Variants in COBLL1 observed in about 807,000 individuals in gnomAD.
COBLL1 encodes cordon-bleu protein-like 1.
Under a neutral mutation model 94.8 loss-of-function variants are expected in COBLL1, and 50 were observed. That is an observed-to-expected ratio of 0.53 (90% CI 0.42 to 0.67). The LOEUF (loss-of-function observed/expected upper bound fraction) is 0.67, where lower values mean the gene tolerates loss of function less well. Among genes scored for constraint, COBLL1 ranks in the 30% least tolerant of loss-of-function variants. The probability of loss-of-function intolerance (pLI) is 0.00; values close to 1 mark genes in which losing one functional copy is unlikely to be tolerated. For synonymous variants in COBLL1, 448 were observed against 473.8 expected (o/e 0.95, Z 0.71); for missense variants, 1,362 against 1,348.7 (o/e 1.01, Z -0.15).
rs1683010558 is a variant in COBLL1, at chr2:164,680,922, C to G, written c.*5024G>C. The G allele has an allele frequency of 1.3e-5, 2 of 151,806 alleles. No homozygotes were observed. The highest frequency in any genetic ancestry group is 4.8e-5 in the African/African-American group (2 of 41,292). The allele number at this position is 151,806 out of a possible 1,614,324, so 9.4% of individuals were successfully genotyped here. ...GGTCTGAAGACAAAATGAGAGAAAA[C>G]TATAGAGAAAGGGAGAGAATATACT... On this transcript the variant is annotated 3_prime_UTR_variant, in exon 14 of 14. Transcript: ENST00000652658.
At chr2:164,779,656 T>TTACG (rs138795196) in intron 2 of COBLL1, 1 of 470,936 alleles carries the variant, frequency 2.1e-6, no homozygotes, top group Non-Finnish European at 4.4e-6. Context: ...GACGGTCACC[T>TTACG]TACGGCAGGG....
intron 2 of COBLL1, among the ~76,000 whole-genome samples, chr2:164,770,338 A>C (rs1462379224): frequency 2.0e-5 from 3 of 152,118 alleles, no homozygotes; most frequent in Non-Finnish European, 4.4e-5. Flanking sequence ...ACATTATGTG[A>C]ACCTATCTAA....
chr2:164,739,683 C>A (rs576701127), intron 3 of COBLL1, among the ~76,000 whole-genome samples: 1 of 152,326 alleles, frequency 6.6e-6, no homozygotes, highest in Non-Finnish European at 1.5e-5. Flanking sequence ...CTCTCACACA[C>A]TTAAAATTAC....
intron 2 of COBLL1, among the ~76,000 whole-genome samples, chr2:164,792,744 T>C (rs1249373737): frequency 6.6e-6 from 1 of 152,210 alleles, no homozygotes; most frequent in African/African-American, 2.4e-5. Context: ...CAATTTTGTA[T>C]GTATGCTTTA....
At position 164,694,907 on chromosome 2, in the gene COBLL1, T is replaced by C; in HGVS notation, c.2485A>G (p.Met829Val). The change falls in exon 12 of 14, where the codon ATG becomes GTG. Residue 829 changes from methionine to valine, a missense_variant. Transcript: ENST00000652658. ...GGAGCTGTGCCAGTGTCTCTTGTCA[T>C]TTTGGGAGCAGGTTTCAGAGGACTA... ...MVSPLKPAPK[M>V]TRDTGTAPFA... The C allele has an allele frequency of 6.2e-7, 1 of 1,613,924 alleles. No individual in the cohort carries two copies. Among genetic ancestry groups the C allele is most frequent in the East Asian group, 2.2e-5 (1 of 44,862 alleles).
chr2:164,724,663 G>A (rs945016720), intron 5 of COBLL1: 2 of 152,088 alleles, frequency 1.3e-5, no homozygotes, highest in African/African-American at 4.8e-5. Context: ...AAAATATTGT[G>A]TATTAAAATT....
intron 5 of COBLL1, 83 bp downstream of exon 5, chr2:164,727,886 G>A: frequency 1.1e-6 from 1 of 901,466 alleles, no homozygotes; most frequent in Non-Finnish European, 1.7e-6. Flanking sequence ...ATGAACTTGA[G>A]AACACCTTCA....
At chr2:164,756,430 T>A (rs1452391060) in intron 2 of COBLL1, among the ~76,000 whole-genome samples, 1 of 152,152 alleles carries the variant, frequency 6.6e-6, no homozygotes, top group Non-Finnish European at 1.5e-5. Flanking sequence ...CTAATAATAT[T>A]TTCAATTCCA....
chr2:164,700,628 T>C lies in COBLL1; in HGVS notation c.1354A>G (p.Ile452Val). The change falls in exon 10 of 14, where the codon ATA becomes GTA. Residue 452 changes from isoleucine (I) to valine (V), a missense_variant. By Grantham distance (29) the Ile-to-Val change is conservative (BLOSUM62 3). Coordinates refer to ENST00000652658, the MANE Select transcript of COBLL1 (RefSeq NM_001365672.2). ...QDIPFVSTDI[I>V]NTLKNDPDSA... is the part of the protein sequence containing the mutation. ...TCAGGATCATTTTTCAGTGTATTTATTATATCAGTAGATACAAAAGGAATA... is the reference window on the plus strand; with the variant it reads ...TCAGGATCATTTTTCAGTGTATTTACTATATCAGTAGATACAAAAGGAATA... The C allele has an allele frequency of 6.2e-7, 1 of 1,613,150 alleles. No individual in the cohort carries two copies. Among genetic ancestry groups the C allele is most frequent in the Non-Finnish European group, 8.5e-7 (1 of 1,179,166 alleles).
At chr2:164,826,627 AGATG>A (rs1685439298) in intron 2 of COBLL1, among the ~76,000 whole-genome samples, 1 of 152,234 alleles carries the variant, frequency 6.6e-6, no homozygotes, top group South Asian at 2.1e-4. Context: ...GGCAGAGCAC[AGATG>A]GAGGTCCAGG....
intron 2 of COBLL1, among the ~76,000 whole-genome samples, chr2:164,759,820 T>C (rs1387538968): frequency 6.6e-6 from 1 of 152,190 alleles, no homozygotes; most frequent in Non-Finnish European, 1.5e-5. Context: ...AACAACATTA[T>C]CTATTAGGAA....
intron 13 of COBLL1, chr2:164,687,417 C>G: frequency 1.0e-6 from 1 of 981,600 alleles, no homozygotes; most frequent in African/African-American, 1.6e-5. Flanking sequence ...AGCCCCATTT[C>G]TTTGAGAAGT....
chr2:164,805,287 GTCTCTCTCTCTCTCTCTC>G lies in COBLL1; in HGVS notation c.41+35851_41+35868del, dbSNP rs543005860. Among the ~76,000 whole-genome samples the G allele has an allele frequency of 9.7e-3, 332 of 34,194 alleles. 48 individuals are homozygous for G. The highest frequency in any genetic ancestry group is 0.014 in the Admixed American group (28 of 2,002). 22.4% of individuals were successfully genotyped at this position (34,194 alleles called of 152,430 possible). ...TACTGATATATTATTCTCTCTGTCTGTCTCTCTCTCTCTCTCTCTCTCTCTCTCTCTCTCTCTCTCTCT... is the reference window on the plus strand; with the variant it reads ...TACTGATATATTATTCTCTCTGTCTGTCTCTCTCTCTCTCTCTCTCTCTCT... On this transcript the variant is annotated intron_variant, in intron 2 of 13. Coordinates refer to ENST00000652658, the MANE Select transcript of COBLL1 (RefSeq NM_001365672.2).
chr2:164,722,780 C>T (rs765523321), intron 5 of COBLL1: 29 of 208,306 alleles, frequency 1.4e-4, no homozygotes, highest in East Asian at 3.2e-4. Flanking sequence ...GACAGAGCTA[C>T]GACACAAACT....
rs765445747 is a variant in COBLL1 at position 164,685,962 on chromosome 2, G to T, written c.3371C>A (p.Ala1124Asp). 5.6e-6 allele frequency: 9 copies of T among 1,605,832 alleles called. No homozygotes were observed. The highest frequency in any genetic ancestry group is 1.1e-5 in the South Asian group (1 of 90,772). The change falls in exon 14 of 14, where the codon GCC becomes GAC. Residue 1124 changes from alanine to aspartate, a missense_variant. Coordinates refer to ENST00000652658, the MANE Select transcript of COBLL1 (RefSeq NM_001365672.2). The part of the protein sequence containing the change: ...SRLSHSMSPD[A>D]QDGH Reference sequence around the variant, plus strand: ...GGGTAACATTTAATGGCCGTCCTGGGCATCAGGGGACATGGAATGGCTGAG... The same window carrying T: ...GGGTAACATTTAATGGCCGTCCTGGTCATCAGGGGACATGGAATGGCTGAG...
intron 2 of COBLL1, among the ~76,000 whole-genome samples, chr2:164,829,916 G>A (rs1682988182): frequency 6.6e-6 from 1 of 152,074 alleles, no homozygotes; most frequent in East Asian, 1.9e-4. Context: ...TCCTTTTCTT[G>A]CACTCCTTCC....
chr2:164,691,508 A>C (rs1159973738), intron 13 of COBLL1, among the ~76,000 whole-genome samples: 1 of 152,098 alleles, frequency 6.6e-6, no homozygotes, highest in Non-Finnish European at 1.5e-5. Context: ...AGGTTTAGGG[A>C]GAGGACTCTC....
intron 2 of COBLL1, among the ~76,000 whole-genome samples, chr2:164,839,330 T>C (rs1425623129): frequency 1.3e-5 from 2 of 152,186 alleles, no homozygotes; most frequent in African/African-American, 2.4e-5. Flanking sequence ...CACTGGCTCA[T>C]ACTGGTAAAC....
chr2:164,715,164 T>C (rs1175444191), intron 7 of COBLL1, among the ~76,000 whole-genome samples: 1 of 152,174 alleles, frequency 6.6e-6, no homozygotes, highest in Non-Finnish European at 1.5e-5. Flanking sequence ...GAAAATCTGA[T>C]GAAAACTACA....
Sources: gnomAD v4.1 joint callset for allele counts (sites outside exome capture counted in the v4.1 genomes callset) on GRCh38, gnomAD v4.1.1 for gene constraint, MANE v1.5 for transcripts, NCBI Gene and HGNC (gene_info 2026-07-23, HGNC 2026-07-21) for gene names.